ST8SIA1: variants seen among roughly 807,000 people sequenced by gnomAD.
ST8SIA1 encodes the protein ST8 alpha-N-acetyl-neuraminide alpha-2,8-sialyltransferase 1, also known as alpha-N-acetylneuraminide alpha-2,8-sialyltransferase.
In ST8SIA1, 16 loss-of-function variants were observed where a neutral mutation model predicts 35.9. The observed-to-expected ratio is 0.45, with a 90% CI of 0.30 to 0.68. The LOEUF is 0.68. Among genes scored for constraint, ST8SIA1 ranks in the 30% least tolerant of loss-of-function variants. ST8SIA1 has a pLI of 0.09. For missense variants in ST8SIA1, 383 were observed against 453.6 expected (o/e 0.84, Z 1.41); for synonymous variants, 170 against 169.6 (o/e 1.00, Z -0.02).
At chr12:22,289,021 C>G (rs1005705501) in intron 1 of ST8SIA1, among the ~76,000 whole-genome samples, 1 of 152,164 alleles carries the variant, frequency 6.6e-6, no homozygotes, top group Non-Finnish European at 1.5e-5. Context: ...GTTGGGATAA[C>G]AGGCATGTGC....
intron 1 of ST8SIA1, chr12:22,324,472 A>C (rs1866647118): frequency 1.3e-5 from 2 of 152,208 alleles, no homozygotes; most frequent in Admixed American, 6.5e-5. Flanking sequence ...ATCTATCCTA[A>C]CAATGGAAAA....
intron 1 of ST8SIA1, chr12:22,326,080 A>G (rs1214251138): frequency 6.2e-6 from 3 of 484,036 alleles, no homozygotes; most frequent in African/African-American, 2.0e-5. Flanking sequence ...CAAATTAACC[A>G]TAGACAACTG....
chr12:22,287,488 CAAAAAA>C (rs60549878), intron 1 of ST8SIA1, among the ~76,000 whole-genome samples, 195 bp from the exon 2 acceptor site: 1 of 126,344 alleles, frequency 7.9e-6, no homozygotes, highest in Non-Finnish European at 1.7e-5. Context: ...TATTTCACAG[CAAAAAA>C]AAAAAAAAAA....
At chr12:22,311,260 C>G (rs1316047160) in intron 1 of ST8SIA1, among the ~76,000 whole-genome samples, 3 of 152,092 alleles carry the variant, frequency 2.0e-5, no homozygotes, top group Non-Finnish European at 4.4e-5. Flanking sequence ...AGCAAATTAT[C>G]CCAGCACATC....
intron 1 of ST8SIA1, among the ~76,000 whole-genome samples, chr12:22,302,899 C>T (rs1001885387): frequency 6.6e-6 from 1 of 151,984 alleles, no homozygotes; most frequent in Admixed American, 6.6e-5. Context: ...CCTGCTTGAG[C>T]TGTCCCACCT....
chr12:22,311,736 C>T (rs1866451579), intron 1 of ST8SIA1, among the ~76,000 whole-genome samples: 1 of 152,102 alleles, frequency 6.6e-6, no homozygotes, highest in Non-Finnish European at 1.5e-5. Flanking sequence ...ATTTGGGAAA[C>T]TGTGCATGAT....
intron 2 of ST8SIA1, among the ~76,000 whole-genome samples, chr12:22,261,864 A>C (rs1023646643): frequency 1.3e-5 from 2 of 152,140 alleles, no homozygotes; most frequent in African/African-American, 4.8e-5. Context: ...CTTTTCATTG[A>C]GCACCTAGTA....
At chr12:22,309,186 G>T (rs896851254) in intron 1 of ST8SIA1, among the ~76,000 whole-genome samples, 2 of 152,212 alleles carry the variant, frequency 1.3e-5, no homozygotes, top group East Asian at 3.9e-4. Flanking sequence ...TGGCCATGAC[G>T]AGGGATAGGA....
At chr12:22,298,100 G>A (rs969161225) in intron 1 of ST8SIA1, among the ~76,000 whole-genome samples, 12 of 152,276 alleles carry the variant, frequency 7.9e-5, no homozygotes, top group African/African-American at 2.4e-4. Context: ...TTCCTGAAGG[G>A]TGATGTGCCT....
At chr12:22,296,600 G>C (rs893926537) in intron 1 of ST8SIA1, among the ~76,000 whole-genome samples, 10 of 152,102 alleles carry the variant, frequency 6.6e-5, no homozygotes, top group African/African-American at 2.4e-4. Flanking sequence ...AAATATTTCT[G>C]TTATACATGA....
chr12:22,306,944 T>C (rs560518785), intron 1 of ST8SIA1, among the ~76,000 whole-genome samples: 1 of 152,328 alleles, frequency 6.6e-6, no homozygotes, highest in Admixed American at 6.5e-5. Context: ...TATCACATTT[T>C]TTAAGAACAA....
At chr12:22,249,188 A>T (rs984058808) in intron 3 of ST8SIA1, 90 bp from the exon 4 acceptor site, 2 of 848,424 alleles carry the variant, frequency 2.4e-6, no homozygotes, top group African/African-American at 3.4e-5. Context: ...TATTAATTCT[A>T]GCTGAATTCA....
intron 3 of ST8SIA1, among the ~76,000 whole-genome samples, 159 bp from the exon 4 acceptor site, chr12:22,249,257 T>C (rs4762739): frequency 0.47 from 68,851 of 147,926 alleles, 17,084 homozygotes; most frequent in Middle Eastern, 0.65. Context: ...CTCGCTCTGT[T>C]GCCCAGGCTG....
Position 22,254,583 on chromosome 12 carries a change from C to T in ST8SIA1, c.491+697G>A, listed in dbSNP as rs74738087. On this transcript the variant is annotated intron_variant, in intron 3 of 4. Coordinates refer to ENST00000396037, the MANE Select transcript of ST8SIA1 (RefSeq NM_003034.4). ...ATCACTTGCTGTCTCTCCTTCTATA[C>T]GTGGCTGGTAAGCATGTCTGGGCAG... 1.9e-4 allele frequency among the ~76,000 whole-genome samples: 29 copies of T among 152,326 alleles called. No individual in the cohort carries two copies. In the East Asian group the frequency reaches 4.4e-3, roughly 23 times the overall value.
intron 1 of ST8SIA1, among the ~76,000 whole-genome samples, chr12:22,312,726 A>T (rs768511807): frequency 5.3e-5 from 8 of 151,826 alleles, no homozygotes; most frequent in African/African-American, 1.9e-4. Flanking sequence ...AAAAAAAAAA[A>T]AACAATAAAT....
chr12:22,320,947 A>AG, intron 1 of ST8SIA1, among the ~76,000 whole-genome samples: 1 of 63,128 alleles, frequency 1.6e-5, no homozygotes, highest in Non-Finnish European at 3.2e-5. Flanking sequence ...GAAAGAAAGA[A>AG]AGAAAGAAAG....
chr12:22,297,548 A>G (rs928884020), intron 1 of ST8SIA1, among the ~76,000 whole-genome samples: 10 of 152,118 alleles, frequency 6.6e-5, no homozygotes, highest in Non-Finnish European at 1.0e-4. Flanking sequence ...AACACAAGTC[A>G]AAGATTCCCA....
At chr12:22,293,147 T>C (rs1866199857) in intron 1 of ST8SIA1, among the ~76,000 whole-genome samples, 1 of 152,338 alleles carries the variant, frequency 6.6e-6, no homozygotes, top group Admixed American at 6.5e-5. Flanking sequence ...ATTTGGGGTA[T>C]TTGCTGAGCA....
chr12:22,314,885 T>C (rs1177695580), intron 1 of ST8SIA1, among the ~76,000 whole-genome samples: 4 of 152,190 alleles, frequency 2.6e-5, no homozygotes, highest in African/African-American at 9.7e-5. Context: ...CTGAAGCTCA[T>C]CCTAACCGCC....
Sources: allele counts gnomAD v4.1 joint callset (sites outside exome capture counted in the v4.1 genomes callset), GRCh38; gene constraint gnomAD v4.1.1; transcripts MANE v1.5; gene names NCBI Gene and HGNC (gene_info 2026-07-23, HGNC 2026-07-21).